The following RNF144A variants were observed in gnomAD, a reference collection of about 807,000 sequenced individuals.
The protein encoded by RNF144A is ring finger protein 144A, also known as E3 ubiquitin-protein ligase RNF144A.
RNF144A carries 11 observed loss-of-function variants against 38.7 expected under a neutral mutation model. The ratio of observed to expected loss-of-function variants is 0.28; its 90% CI spans 0.18 to 0.47. The LOEUF (loss-of-function observed/expected upper bound fraction) is 0.47, where lower values mean the gene tolerates loss of function less well. Among genes scored for constraint, RNF144A ranks in the 20% least tolerant of loss-of-function variants. The pLI, the probability that RNF144A is intolerant of heterozygous loss-of-function variation, is 0.99. For missense variants in RNF144A, 316 were observed against 377.2 expected (o/e 0.84, Z 1.34); for synonymous variants, 149 against 143.9 (o/e 1.04, Z -0.25).
chr2:6,919,869 C>T (rs1412237396), intron 1 of RNF144A, among the ~76,000 whole-genome samples: 1 of 152,192 alleles, frequency 6.6e-6, no homozygotes, highest in Admixed American at 6.5e-5. Flanking sequence ...GATGCAGGCA[C>T]CCCCAGGTCA....
At chr2:6,950,634 T>C (rs755207304) in intron 2 of RNF144A, among the ~76,000 whole-genome samples, 4 of 152,218 alleles carry the variant, frequency 2.6e-5, no homozygotes, top group Non-Finnish European at 5.9e-5. Context: ...TTCTGAAGTG[T>C]GATCATACTA....
intron 2 of RNF144A, among the ~76,000 whole-genome samples, chr2:6,982,102 G>A (rs753206359): frequency 1.2e-4 from 19 of 152,104 alleles, no homozygotes; most frequent in South Asian, 2.1e-4. Flanking sequence ...TGATCCAGTC[G>A]CCTCCCACCA....
intron 1 of RNF144A, chr2:6,918,756 T>C: frequency 2.3e-5 from 1 of 43,730 alleles, no homozygotes; most frequent in South Asian, 1.3e-3. Flanking sequence ...AGAACGAGAC[T>C]CCGTCTCAAA....
chr2:6,968,498 A>C, intron 2 of RNF144A, among the ~76,000 whole-genome samples: 1 of 152,212 alleles, frequency 6.6e-6, no homozygotes, highest in Non-Finnish European at 1.5e-5. Context: ...ACACGGCTCC[A>C]GTAATTGAAA....
In RNF144A at chr2:6,941,806, C is replaced by T. The variant is rs536208050; in HGVS notation, c.-12+659C>T. On this transcript the variant is annotated intron_variant, in intron 2 of 8. Coordinates refer to ENST00000320892, the MANE Select transcript of RNF144A (RefSeq NM_014746.6). The surrounding 1 kb of genome is among the most constrained non-coding windows in gnomAD (Gnocchi z 6.5). ...TAGCCACTTAGCATCTGGGCAAGAG[C>T]GCTGTAGACAGAAGGGCTGGTGGCT... Among the ~76,000 whole-genome samples the T allele has an allele frequency of 3.3e-5, 5 of 152,346 alleles. No individual in the cohort carries two copies. The South Asian group carries it at 6.2e-4, about 19-fold the overall frequency.
intron 6 of RNF144A, among the ~76,000 whole-genome samples, chr2:7,067,928 C>T (rs1674300611): frequency 6.6e-6 from 1 of 152,150 alleles, no homozygotes; most frequent in Non-Finnish European, 1.5e-5. Context: ...TGTCTGATCA[C>T]CTGGCCTGTT....
intron 3 of RNF144A, among the ~76,000 whole-genome samples, chr2:6,998,602 A>G (rs1343536248): frequency 1.3e-5 from 2 of 152,214 alleles, no homozygotes; most frequent in African/African-American, 2.4e-5. Context: ...TCAATACTGT[A>G]GTTGCCATCC....
chr2:7,071,491 G>A (rs572433030), downstream of RNF144A, among the ~76,000 whole-genome samples: 246 of 152,314 alleles, frequency 1.6e-3, no homozygotes, highest in Admixed American at 3.6e-3. Context: ...CTTCCCAGCC[G>A]TGTGACTTGG....
At chr2:7,005,210 A>C (rs772812916) in intron 3 of RNF144A, among the ~76,000 whole-genome samples, 11 of 152,236 alleles carry the variant, frequency 7.2e-5, no homozygotes, top group Non-Finnish European at 1.3e-4. Flanking sequence ...AGTCTACATG[A>C]AAGCCTAGTA....
intron 6 of RNF144A, among the ~76,000 whole-genome samples, chr2:7,022,946 AG>A (rs1671633675): frequency 6.6e-6 from 1 of 152,246 alleles, no homozygotes; most frequent in African/African-American, 2.4e-5. Context: ...GTTATCTTTC[AG>A]TAACAGTTGT....
At chr2:6,970,680 C>T (rs1667952310) in intron 2 of RNF144A, among the ~76,000 whole-genome samples, 1 of 152,178 alleles carries the variant, frequency 6.6e-6, no homozygotes. Flanking sequence ...GCCCAGGTCC[C>T]TTCAGAGAGC....
chr2:6,956,474 C>T lies in RNF144A; in HGVS notation c.-12+15327C>T, dbSNP rs562952004. On this transcript the variant is annotated intron_variant, in intron 2 of 8. Coordinates refer to ENST00000320892, the MANE Select transcript of RNF144A (RefSeq NM_014746.6). ...TTCTGTAGGTTGTTGCATAGATCCC[C>T]ATGACAGCCCTTTGAGTAGCAGGGC... Among the ~76,000 whole-genome samples the T allele has an allele frequency of 2.0e-5, 3 of 152,304 alleles. No homozygotes were observed. The South Asian group carries it at 6.2e-4, about 32-fold the overall frequency.
chr2:6,919,068 T>C (rs1279499183), intron 1 of RNF144A, among the ~76,000 whole-genome samples: 1 of 152,140 alleles, frequency 6.6e-6, no homozygotes, highest in Non-Finnish European at 1.5e-5. Context: ...AGAAAGTAAG[T>C]TGGTGTAGAC....
chr2:7,055,761 C>G (rs982296146), intron 6 of RNF144A, among the ~76,000 whole-genome samples: 12 of 152,158 alleles, frequency 7.9e-5, no homozygotes, highest in East Asian at 7.7e-4. Flanking sequence ...AGGAATTAAA[C>G]TGAAAATCCC....
rs573231894 is a variant in RNF144A at position 6,943,748 on chromosome 2, A to G, written c.-12+2601A>G. 1.3e-5 allele frequency among the ~76,000 whole-genome samples: 2 copies of G among 152,264 alleles called. No individual in the cohort carries two copies. The highest frequency in any genetic ancestry group is 3.9e-4 in the East Asian group (2 of 5,174). On this transcript the variant is annotated intron_variant, in intron 2 of 8. Transcript: ENST00000320892. The surrounding 1 kb of genome is among the most constrained non-coding windows in gnomAD (Gnocchi z 4.3). The stretch of plus-strand genomic sequence containing the variant: ...TGGTGCTCGGAGGAGGAGGCTCTGC[A>G]GTTCTCTTCTGATTACCGACCTTTC...
chr2:7,010,199 C>T (rs447721), intron 3 of RNF144A, among the ~76,000 whole-genome samples: 84,441 of 151,950 alleles, frequency 0.56, 24,323 homozygotes, highest in Non-Finnish European at 0.64. Flanking sequence ...GTGATTGTCC[C>T]TCTATCTGCC....
intron 6 of RNF144A, among the ~76,000 whole-genome samples, chr2:7,051,267 A>C (rs982821607): frequency 6.6e-6 from 1 of 152,168 alleles, no homozygotes; most frequent in Admixed American, 6.5e-5. Flanking sequence ...CAGACGCCCC[A>C]AGAGAGCTTG....
intron 3 of RNF144A, among the ~76,000 whole-genome samples, chr2:7,004,921 T>G (rs1670341101): frequency 6.6e-6 from 1 of 152,162 alleles, no homozygotes; most frequent in African/African-American, 2.4e-5. Context: ...CCAAAAAAAA[T>G]GTTGATGCTC....
At chr2:7,060,602 AT>A (rs1673913996) in intron 6 of RNF144A, among the ~76,000 whole-genome samples, 1 of 152,226 alleles carries the variant, frequency 6.6e-6, no homozygotes, top group South Asian at 2.1e-4. Flanking sequence ...CCAAATTTCC[AT>A]TCCAGATTTA....
Sources: allele counts gnomAD v4.1 joint callset (sites outside exome capture counted in the v4.1 genomes callset), GRCh38; gene constraint gnomAD v4.1.1; non-coding constraint Gnocchi (gnomAD v3.1); transcripts MANE v1.5; gene names NCBI Gene and HGNC (gene_info 2026-07-23, HGNC 2026-07-21).